Variants in SNX29 observed in about 807,000 individuals in gnomAD.
The protein encoded by SNX29 is sorting nexin 29.
In SNX29, 78 loss-of-function variants were observed where a neutral mutation model predicts 102.1. That is an observed-to-expected ratio of 0.76 (90% CI 0.64 to 0.92). The LOEUF (loss-of-function observed/expected upper bound fraction) is 0.92, where lower values mean the gene tolerates loss of function less well. Ranked by LOEUF, SNX29 falls within the 40% of genes least tolerant of loss-of-function variation. The pLI, the probability that SNX29 is intolerant of heterozygous loss-of-function variation, is 0.00. For synonymous variants in SNX29, 580 were observed against 414.5 expected (o/e 1.40, Z -4.85); for missense variants, 1,280 against 1,061.7 (o/e 1.21, Z -2.86).
At chr16:12,013,885 A>C (rs566796386) in intron 3 of SNX29, among the ~76,000 whole-genome samples, 3 of 152,024 alleles carry the variant, frequency 2.0e-5, no homozygotes, top group African/African-American at 7.2e-5. Context: ...TCCTGAGCTC[A>C]GGCAATCTAC....
At chr16:12,504,526 A>G (rs1414552336) in intron 19 of SNX29, among the ~76,000 whole-genome samples, 1 of 152,184 alleles carries the variant, frequency 6.6e-6, no homozygotes, top group Admixed American at 6.5e-5. Flanking sequence ...TCACAGAAGG[A>G]TCATGTTTCC....
chr16:12,186,192 T>C (rs1196564366), intron 13 of SNX29, among the ~76,000 whole-genome samples: 1 of 152,232 alleles, frequency 6.6e-6, no homozygotes. Flanking sequence ...ATATATTTGT[T>C]GTTGGGAGCT....
chr16:12,475,156 G>A (rs1169777766), intron 18 of SNX29, among the ~76,000 whole-genome samples: 1 of 152,228 alleles, frequency 6.6e-6, no homozygotes, highest in Non-Finnish European at 1.5e-5. Flanking sequence ...CAGAAAGGTT[G>A]CACTGCTTGT....
At chr16:12,561,682 G>C (rs755887212) in intron 20 of SNX29, among the ~76,000 whole-genome samples, 1 of 152,172 alleles carries the variant, frequency 6.6e-6, no homozygotes, top group South Asian at 2.1e-4. Flanking sequence ...CTCACACACA[G>C]ACCCCCTTTT....
intron 18 of SNX29, among the ~76,000 whole-genome samples, chr16:12,440,308 A>G (rs1245337692): frequency 6.6e-6 from 1 of 152,152 alleles, no homozygotes; most frequent in Non-Finnish European, 1.5e-5. Context: ...AAGATTACGC[A>G]ACCATCACCA....
chr16:12,295,521 A>C (rs1487603870), intron 15 of SNX29, among the ~76,000 whole-genome samples: 1 of 152,038 alleles, frequency 6.6e-6, no homozygotes, highest in Non-Finnish European at 1.5e-5. Context: ...GGTACATTTT[A>C]CCTCTGGAAC....
At chr16:12,198,330 G>T (rs867707768) in intron 13 of SNX29, among the ~76,000 whole-genome samples, 2 of 151,184 alleles carry the variant, frequency 1.3e-5, no homozygotes, top group Non-Finnish European at 2.9e-5. Flanking sequence ...ATGTGTGTGT[G>T]CACCTAGAGA....
intron 1 of SNX29, among the ~76,000 whole-genome samples, chr16:11,978,715 A>G (rs2055355478): frequency 6.6e-6 from 1 of 152,326 alleles, no homozygotes; most frequent in East Asian, 1.9e-4. Flanking sequence ...CTTTAGCACA[A>G]GAGACAATGA....
At chr16:12,516,857 A>T (rs754442113) in intron 19 of SNX29, among the ~76,000 whole-genome samples, 6 of 152,174 alleles carry the variant, frequency 3.9e-5, no homozygotes, top group Non-Finnish European at 8.8e-5. Context: ...AATTCAGGGA[A>T]ATACAGGGGG....
chr16:12,537,537 C>G (rs565979825), intron 20 of SNX29, among the ~76,000 whole-genome samples: 4 of 152,264 alleles, frequency 2.6e-5, no homozygotes, highest in East Asian at 1.9e-4. Flanking sequence ...GAAATATTAC[C>G]TACTATGGAG....
chr16:12,036,524 T>C (rs1425092814), intron 4 of SNX29, among the ~76,000 whole-genome samples: 1 of 151,940 alleles, frequency 6.6e-6, no homozygotes, highest in Non-Finnish European at 1.5e-5. Context: ...TTAGTAGAGA[T>C]GGGGTTTCAC....
chr16:12,505,541 A>G (rs1402070139), intron 19 of SNX29, among the ~76,000 whole-genome samples: 1 of 152,214 alleles, frequency 6.6e-6, no homozygotes, highest in Non-Finnish European at 1.5e-5. Context: ...GGTTTGCAAC[A>G]TGATGCTGTG....
chr16:12,191,905 G>T (rs958864511), intron 13 of SNX29, among the ~76,000 whole-genome samples: 1 of 152,154 alleles, frequency 6.6e-6, no homozygotes, highest in Non-Finnish European at 1.5e-5. Context: ...GTTGGGTGTG[G>T]TTATGGTTGA....
rs545362174 is a variant in SNX29 at position 12,525,070 on chromosome 16, T to A, written c.2318+229T>A. Among the ~76,000 whole-genome samples the A allele has an allele frequency of 9.9e-5, 15 of 152,198 alleles. No individual in the cohort carries two copies. In the South Asian group the frequency reaches 2.7e-3, roughly 27 times the overall value. On this transcript the variant is annotated intron_variant, in intron 20 of 20. Transcript: ENST00000566228. ...GGCCTGCAAATGAGCATTGTTGACT[T>A]GAGGCTCACAAAGAAACTTGGGGCT...
intron 19 of SNX29, among the ~76,000 whole-genome samples, chr16:12,502,844 C>G (rs1450194563): frequency 6.6e-6 from 1 of 152,132 alleles, no homozygotes; most frequent in Admixed American, 6.5e-5. Flanking sequence ...TGTTTCCAGC[C>G]ATCATTAAAG....
chr16:12,119,247 G>C (rs1274547438), intron 11 of SNX29, among the ~76,000 whole-genome samples: 1 of 152,204 alleles, frequency 6.6e-6, no homozygotes, highest in East Asian at 1.9e-4. Flanking sequence ...TACCCTGTGA[G>C]GACTTTGCTC....
At chr16:12,136,183 A>C (rs1228887714) in intron 13 of SNX29, among the ~76,000 whole-genome samples, 1 of 152,132 alleles carries the variant, frequency 6.6e-6, no homozygotes, top group South Asian at 2.1e-4. Context: ...CATTCTCTTC[A>C]TGCTTCTGAG....
intron 20 of SNX29, among the ~76,000 whole-genome samples, chr16:12,548,915 A>T (rs1597917581): frequency 6.6e-6 from 1 of 152,178 alleles, no homozygotes; most frequent in African/African-American, 2.4e-5. Context: ...GGCTGTAGGT[A>T]TTCTTCAGTA....
At chr16:12,540,758 C>T (rs538244798) in intron 20 of SNX29, among the ~76,000 whole-genome samples, 46 of 152,312 alleles carry the variant, frequency 3.0e-4, no homozygotes, top group African/African-American at 7.7e-4. Context: ...TTGATCTTAC[C>T]GCCACCTCCC....
Sources: allele counts gnomAD v4.1 joint callset (sites outside exome capture counted in the v4.1 genomes callset), GRCh38; gene constraint gnomAD v4.1.1; transcripts MANE v1.5; gene names NCBI Gene and HGNC (gene_info 2026-07-23, HGNC 2026-07-21).